Variants in RORB observed in about 807,000 individuals in gnomAD.
RORB encodes nuclear receptor ROR-beta.
RORB carries 6 observed loss-of-function variants against 59.1 expected under a neutral mutation model. That is an observed-to-expected ratio of 0.10 (90% confidence interval 0.06 to 0.20). RORB has a LOEUF of 0.20. Among genes scored for constraint, RORB ranks in the 10% least tolerant of loss-of-function variants. RORB has a pLI of 1.00. For synonymous variants in RORB, 215 were observed against 204.5 expected (o/e 1.05, Z -0.44); for missense variants, 320 against 560.5 (o/e 0.57, Z 4.33).
chr9:74,627,155 C>G (rs984695743), intron 1 of RORB, among the ~76,000 whole-genome samples: 10 of 83,560 alleles, frequency 1.2e-4, no homozygotes, highest in Non-Finnish European at 2.0e-4. Flanking sequence ...AGCAAGACTC[C>G]ATCTCAAAAA....
Position 74,503,565 on chromosome 9 carries a change from C to T in RORB, c.7+5582C>T, listed in dbSNP as rs1288397362. On this transcript the variant is annotated intron_variant, in intron 1 of 9. Coordinates refer to ENST00000376896, the MANE Select transcript of RORB (RefSeq NM_006914.4). ...CGCATAAAAAAGAAACTGTTAATAA[C>T]ATCTATTTATAAATAATCTACACAA... Among the ~76,000 whole-genome samples the T allele has an allele frequency of 2.6e-5, 4 of 151,832 alleles. No homozygotes were observed. The South Asian group carries it at 6.2e-4, about 24-fold the overall frequency.
chr9:74,652,990 A>G (rs1587407221), intron 4 of RORB, among the ~76,000 whole-genome samples: 1 of 152,216 alleles, frequency 6.6e-6, no homozygotes, highest in African/African-American at 2.4e-5. Context: ...AAAAATAATG[A>G]TCTCTAAATA....
chr9:74,557,561 C>T (rs1244693217), intron 1 of RORB, among the ~76,000 whole-genome samples: 5 of 152,118 alleles, frequency 3.3e-5, no homozygotes, highest in African/African-American at 4.8e-5. Flanking sequence ...GAACATCCAA[C>T]CTCATGCACA....
At chr9:74,523,946 T>C (rs1404041415) in intron 1 of RORB, among the ~76,000 whole-genome samples, 1 of 151,652 alleles carries the variant, frequency 6.6e-6, no homozygotes, top group Non-Finnish European at 1.5e-5. Context: ...ACTCCAGAGT[T>C]TGAAATTTGC....
At chr9:74,682,152 A>C (rs774918451) in intron 9 of RORB, among the ~76,000 whole-genome samples, 266 of 152,086 alleles carry the variant, frequency 1.7e-3, no homozygotes, top group Non-Finnish European at 3.3e-3. Flanking sequence ...ACTGTAAAAA[A>C]ATTTTTGTTG....
chr9:74,635,799 A>G (rs1364454333), intron 3 of RORB, among the ~76,000 whole-genome samples: 1 of 152,162 alleles, frequency 6.6e-6, no homozygotes, highest in East Asian at 1.9e-4. Flanking sequence ...AGACACACAC[A>G]AAACAAGAAA....
At chr9:74,556,425 G>A (rs998728283) in intron 1 of RORB, among the ~76,000 whole-genome samples, 17 of 152,160 alleles carry the variant, frequency 1.1e-4, no homozygotes, top group African/African-American at 3.9e-4. Context: ...TCTACAGCAA[G>A]GAGTTTGATC....
chr9:74,521,821 T>G (rs553893890), intron 1 of RORB, among the ~76,000 whole-genome samples: 21 of 151,964 alleles, frequency 1.4e-4, no homozygotes, highest in African/African-American at 5.1e-4. Context: ...AACCATACCT[T>G]GTTTCCTAAT....
At chr9:74,658,028 A>G (rs2118504183) in intron 4 of RORB, among the ~76,000 whole-genome samples, 2 of 139,112 alleles carry the variant, frequency 1.4e-5, no homozygotes, top group Non-Finnish European at 3.2e-5. Context: ...AAAAAAAAAA[A>G]GAAAAGAAAA....
At chr9:74,585,704 C>A (rs1822787763) in intron 1 of RORB, among the ~76,000 whole-genome samples, 1 of 152,094 alleles carries the variant, frequency 6.6e-6, no homozygotes, top group Non-Finnish European at 1.5e-5. Flanking sequence ...GTGCATATTA[C>A]CACTCAATTC....
At chr9:74,623,485 G>A (rs1254619623) in intron 1 of RORB, among the ~76,000 whole-genome samples, 1 of 145,938 alleles carries the variant, frequency 6.9e-6, no homozygotes. Context: ...TTATCCTACT[G>A]CCTTTATAAT....
At chr9:74,677,124 C>T (rs1214267693) in intron 9 of RORB, among the ~76,000 whole-genome samples, 1 of 152,188 alleles carries the variant, frequency 6.6e-6, no homozygotes, top group Non-Finnish European at 1.5e-5. Flanking sequence ...CTCAAAAAGA[C>T]ATAATCCATA....
chr9:74,688,215 T>C lies in RORB; in HGVS notation c.*2597T>C, dbSNP rs1271764711. 1 of 152,182 alleles carries C rather than the reference T, an allele frequency of 6.6e-6. No homozygotes were observed. Among genetic ancestry groups the C allele is most frequent in the African/African-American group, 2.4e-5 (1 of 41,442 alleles). The allele number at this position is 152,182 out of a possible 1,614,324, so 9.4% of individuals were successfully genotyped here. Reference sequence around the variant, plus strand: ...TGGGAGGAAGGAAACAGAGCTAGCATCTGAACCAGAGCAAAACAATGGCAA... The same window carrying C: ...TGGGAGGAAGGAAACAGAGCTAGCACCTGAACCAGAGCAAAACAATGGCAA... On this transcript the variant is annotated 3_prime_UTR_variant, in exon 10 of 10. Coordinates refer to ENST00000376896, the MANE Select transcript of RORB (RefSeq NM_006914.4).
chr9:74,625,205 ATAACT>A (rs1213872032), intron 1 of RORB, among the ~76,000 whole-genome samples: 1 of 152,208 alleles, frequency 6.6e-6, no homozygotes, highest in Non-Finnish European at 1.5e-5. Flanking sequence ...TTCCTAGCTA[ATAACT>A]TAACTCATTT....
At chr9:74,548,526 T>C (rs11144005) in intron 1 of RORB, among the ~76,000 whole-genome samples, 55,230 of 152,112 alleles carry the variant, frequency 0.36, 10,186 homozygotes, top group African/African-American at 0.39. Context: ...TTTTAGTGTT[T>C]CTTATTTTGC....
intron 1 of RORB, among the ~76,000 whole-genome samples, chr9:74,572,211 T>C (rs772878637): frequency 2.9e-4 from 44 of 152,156 alleles, no homozygotes; most frequent in African/African-American, 8.0e-4. Context: ...TAGGGAAGCA[T>C]AGATAACATT....
chr9:74,521,082 G>GT (rs1274837252), intron 1 of RORB, among the ~76,000 whole-genome samples: 1 of 151,868 alleles, frequency 6.6e-6, no homozygotes, highest in Non-Finnish European at 1.5e-5. Context: ...AAATCCTGCT[G>GT]TTAACTAAAA....
At chr9:74,669,255 G>T (rs914106976) in intron 8 of RORB, among the ~76,000 whole-genome samples, 12 of 152,182 alleles carry the variant, frequency 7.9e-5, no homozygotes, top group Admixed American at 7.9e-4. Flanking sequence ...GAGGCCAGCG[G>T]ATCACCTGAG....
chr9:74,577,538 T>C (rs1347155718), intron 1 of RORB, among the ~76,000 whole-genome samples: 1 of 152,040 alleles, frequency 6.6e-6, no homozygotes, highest in East Asian at 1.9e-4. Context: ...AACTGTGAGC[T>C]ATGGGCATGC....
Sources: gnomAD v4.1 joint callset for allele counts (sites outside exome capture counted in the v4.1 genomes callset) on GRCh38, gnomAD v4.1.1 for gene constraint, MANE v1.5 for transcripts, NCBI Gene and HGNC (gene_info 2026-07-23, HGNC 2026-07-21) for gene names.